The following HCRTR1 variants were observed in gnomAD, a reference collection of about 807,000 sequenced individuals.
The protein encoded by HCRTR1 is hypocretin receptor 1.
Under a neutral mutation model 40.6 loss-of-function variants are expected in HCRTR1, and 28 were observed. That is an observed-to-expected ratio of 0.69 (90% CI 0.51 to 0.95). HCRTR1 has a LOEUF of 0.95. Among genes scored for constraint, HCRTR1 ranks in the 40% least tolerant of loss-of-function variants. The pLI is 0.00. For missense variants in HCRTR1, 482 were observed against 564.7 expected, an observed-to-expected ratio of 0.85 and a Z score of 1.48; for synonymous variants, 209 against 230.0, an observed-to-expected ratio of 0.91 and a Z score of 0.83.
intron 3 of HCRTR1, 50 bp downstream of exon 3, chr1:31,619,441 A>G (rs756456890): frequency 1.9e-6 from 3 of 1,612,388 alleles, no homozygotes; most frequent in Admixed American, 1.7e-5. Flanking sequence ...CTGGGGATTG[A>G]AGGGGGTTGT....
downstream of HCRTR1, chr1:31,630,462 A>C (rs1640063209): frequency 2.5e-6 from 2 of 812,992 alleles, no homozygotes; most frequent in South Asian, 3.4e-5. Flanking sequence ...ATGATGCAGG[A>C]CTCTCCACCC....
chr1:31,629,246 G>A (rs1185588302), downstream of HCRTR1, among the ~76,000 whole-genome samples: 2 of 152,220 alleles, frequency 1.3e-5, no homozygotes. Context: ...CTGCAAAACA[G>A]TCATAGTTAC....
chr1:31,632,636 T>C (rs1234886671), downstream of HCRTR1: 10 of 1,613,122 alleles, frequency 6.2e-6, no homozygotes, highest in Non-Finnish European at 7.6e-6. Flanking sequence ...TTGTCAAACA[T>C]GTCTGAAGGT....
rs1557577578 is a variant in HCRTR1, at chr1:31,621,598, G to T, written c.738+6G>T. ...GCAAGCTCTGGGGCCGCCAGGTGAGGCCCACTCTGGGCAGGGGCTAGGCCA... is the reference window on the plus strand; with the variant it reads ...GCAAGCTCTGGGGCCGCCAGGTGAGTCCCACTCTGGGCAGGGGCTAGGCCA... On this transcript the variant is annotated splice_donor_region_variant and intron_variant, in intron 6 of 8. Coordinates refer to ENST00000403528, the MANE Select transcript of HCRTR1 (RefSeq NM_001525.3). 11 of 1,602,712 alleles carry T rather than the reference G, an allele frequency of 6.9e-6. No homozygotes were observed. In the South Asian group the frequency reaches 1.2e-4, roughly 18 times the overall value.
In HCRTR1 at chr1:31,623,708, C is replaced by A; in HGVS notation, c.924C>A (p.Ala308=). The A allele has an allele frequency of 6.2e-7, 1 of 1,614,176 alleles. No homozygotes were observed. The highest frequency in any genetic ancestry group is 8.5e-7 in the Non-Finnish European group (1 of 1,180,030). Residue 308 remains alanine (A), a synonymous_variant, in exon 7 of 9, where the codon GCC becomes GCA. Transcript: ENST00000403528. ...TGATGGTGGTGCTGCTGGTCTTCGC[C>A]CTCTGCTACCTGCCCATCAGCGTCC... ...KMLMVVLLVF[A]LCYLPISVLN... is the part of the protein sequence containing the mutation.
At chr1:31,621,370 G>T in intron 5 of HCRTR1, 107 bp from the exon 6 acceptor site, 2 of 919,966 alleles carry the variant, frequency 2.2e-6, no homozygotes, top group East Asian at 4.8e-5. Context: ...GGGTCCAGCT[G>T]CTCCTAGGCC....
At position 31,621,546 on chromosome 1, in the gene HCRTR1, T is replaced by A. The variant is rs1639856301; in HGVS notation, c.692T>A (p.Met231Lys). Residue 231 changes from methionine to lysine, a missense_variant, in exon 6 of 9, where the codon ATG becomes AAG. Physicochemically the swap from Met to Lys is moderately conservative, Grantham distance 95 (BLOSUM62 -1). Coordinates refer to ENST00000403528, the MANE Select transcript of HCRTR1 (RefSeq NM_001525.3). ...ACCTACCTGGCCCCACTGGGCCTCATGGCCATGGCCTATTTCCAGATATTC... is the reference window on the plus strand; with the variant it reads ...ACCTACCTGGCCCCACTGGGCCTCAAGGCCATGGCCTATTTCCAGATATTC... Reference protein sequence around the residue: ...IVTYLAPLGLMAMAYFQIFRK... With the variant: ...IVTYLAPLGLKAMAYFQIFRK... 1 of 1,613,838 alleles carries A rather than the reference T, an allele frequency of 6.2e-7. No individual in the cohort carries two copies. Among genetic ancestry groups the A allele is most frequent in the African/African-American group, 1.3e-5 (1 of 74,946 alleles).
At chr1:31,630,558 C>T (rs1570263910), downstream of HCRTR1, 1 of 1,522,452 alleles carries the variant, frequency 6.6e-7, no homozygotes, top group Non-Finnish European at 9.1e-7. Flanking sequence ...ACTTCTCTCA[C>T]TCTAAGAAGC....
downstream of HCRTR1, chr1:31,633,216 C>T: frequency 6.2e-7 from 1 of 1,614,072 alleles, no homozygotes; most frequent in Non-Finnish European, 8.5e-7. Flanking sequence ...TTGACCAGGG[C>T]CTGCTTTAGC....
intron 6 of HCRTR1, among the ~76,000 whole-genome samples, chr1:31,622,623 C>T (rs1020120142): frequency 1.3e-5 from 2 of 152,184 alleles, no homozygotes; most frequent in Non-Finnish European, 2.9e-5. Flanking sequence ...ACATAGCTCA[C>T]GAATGGCTGA....
downstream of HCRTR1, among the ~76,000 whole-genome samples, chr1:31,632,884 C>T (rs183892701): frequency 6.6e-6 from 1 of 152,338 alleles, no homozygotes; most frequent in Non-Finnish European, 1.5e-5. Context: ...TGGCACCTGA[C>T]CCCTCCCTGC....
rs202152090 is a variant in HCRTR1 at position 31,623,662 on chromosome 1, G to A, written c.878G>A (p.Arg293Gln). 34 of 1,614,110 alleles carry A rather than the reference G, an allele frequency of 2.1e-5. No individual in the cohort carries two copies. Among genetic ancestry groups the A allele is most frequent in the African/African-American group, 1.7e-4 (13 of 75,072 alleles). ...FLAEVKQMRA[R>Q]RKTAKMLMVV... The stretch of plus-strand genomic sequence containing the variant: ...GCTGAAGTGAAGCAGATGCGTGCAC[G>A]GAGGAAGACAGCCAAGATGCTGATG... The change falls in exon 7 of 9, where the codon CGG becomes CAG. Residue 293 changes from arginine (R) to glutamine (Q), a missense_variant. Physicochemically the swap from Arg to Gln is conservative, Grantham distance 43 (BLOSUM62 1). Transcript: ENST00000403528.
Position 31,625,224 on chromosome 1 carries a change from G to C in HCRTR1, c.1087+106G>C. The stretch of plus-strand genomic sequence containing the variant: ...CAAATAAAGGATGGTGGGTGAGGAT[G>C]TACCTGCTGTGGGCACAGTGATCCT... On this transcript the variant is annotated intron_variant, in intron 8 of 8. Coordinates refer to ENST00000403528, the MANE Select transcript of HCRTR1 (RefSeq NM_001525.3). The surrounding 1 kb of genome is among the most constrained non-coding windows in gnomAD (Gnocchi z 4.2). 1 of 1,321,696 alleles carries C rather than the reference G, an allele frequency of 7.6e-7. No homozygotes were observed. Among genetic ancestry groups the C allele is most frequent in the East Asian group, 2.7e-5 (1 of 36,748 alleles). 81.9% of individuals were successfully genotyped at this position (1,321,696 alleles called of 1,614,324 possible).
chr1:31,621,369 T>C, intron 5 of HCRTR1, 108 bp from the exon 6 acceptor site: 1 of 913,630 alleles, frequency 1.1e-6, no homozygotes, highest in Non-Finnish European at 1.8e-6. Flanking sequence ...GGGGTCCAGC[T>C]GCTCCTAGGC....
chr1:31,627,142 G>A lies in HCRTR1; in HGVS notation c.*162G>A, dbSNP rs1293846854. ...TCTGAGCTTGTGTCCCCTAAGCAGG[G>A]TTGATGTGAGGATTAAGCATGCTGA... On this transcript the variant is annotated 3_prime_UTR_variant, in exon 9 of 9. Coordinates refer to ENST00000403528, the MANE Select transcript of HCRTR1 (RefSeq NM_001525.3). The A allele has an allele frequency of 2.1e-6, 3 of 1,413,974 alleles. No homozygotes were observed. The African/African-American group carries it at 4.3e-5, about 20-fold the overall frequency. 87.6% of individuals were successfully genotyped at this position (1,413,974 alleles called of 1,614,324 possible).
chr1:31,633,130 T>C (rs1640159085), downstream of HCRTR1: 1 of 1,600,030 alleles, frequency 6.2e-7, no homozygotes, highest in South Asian at 1.1e-5. Context: ...CTGCCCCAGC[T>C]CAGGCCCAAG....
chr1:31,621,569 T>C lies in HCRTR1; in HGVS notation c.715T>C (p.Phe239Leu), dbSNP rs143860521. ...GLMAMAYFQI[F>L]RKLWGRQIPG... ...CATGGCCATGGCCTATTTCCAGATATTCCGCAAGCTCTGGGGCCGCCAGGT... is the reference window on the plus strand; with the variant it reads ...CATGGCCATGGCCTATTTCCAGATACTCCGCAAGCTCTGGGGCCGCCAGGT... The change falls in exon 6 of 9, where the codon TTC becomes CTC. Residue 239 changes from phenylalanine (F) to leucine (L), a missense_variant. Phe to Leu is a conservative substitution (Grantham distance 22). Coordinates refer to ENST00000403528, the MANE Select transcript of HCRTR1 (RefSeq NM_001525.3). 2.0e-4 allele frequency: 330 copies of C among 1,613,312 alleles called. 2 individuals carry two copies. The highest frequency in any genetic ancestry group is 1.6e-4 in the Middle Eastern group (1 of 6,084).
At chr1:31,623,199 C>G (rs1639896100) in intron 6 of HCRTR1, among the ~76,000 whole-genome samples, 1 of 151,042 alleles carries the variant, frequency 6.6e-6, no homozygotes, top group African/African-American at 2.4e-5. Context: ...TGTGGTGGCG[C>G]ACACCTGTAA....
At chr1:31,620,716 A>T in intron 4 of HCRTR1, 127 bp from the exon 5 acceptor site, 1 of 1,233,646 alleles carries the variant, frequency 8.1e-7, no homozygotes, top group Non-Finnish European at 1.1e-6. Flanking sequence ...GCCCACATTT[A>T]CACAGCCAGT....
Sources: gnomAD v4.1 joint callset for allele counts (sites outside exome capture counted in the v4.1 genomes callset) on GRCh38, gnomAD v4.1.1 for gene constraint, Gnocchi (gnomAD v3.1) non-coding constraint, MANE v1.5 for transcripts, NCBI Gene and HGNC (gene_info 2026-07-23, HGNC 2026-07-21) for gene names.